The following LTBP4 variants were observed in gnomAD, a reference collection of about 807,000 sequenced individuals.
LTBP4 encodes latent-transforming growth factor beta-binding protein 4.
A neutral mutation model predicts 180.2 loss-of-function variants in LTBP4; 93 were observed. The observed-to-expected ratio is 0.52, with a 90% CI of 0.44 to 0.61. The LOEUF is 0.61. Among genes scored for constraint, LTBP4 ranks in the 20% least tolerant of loss-of-function variants. The pLI is 0.00. For missense variants in LTBP4, 2,116 were observed against 2,256.5 expected (o/e 0.94, Z 1.26); for synonymous variants, 947 against 934.5 (o/e 1.01, Z -0.24).
In LTBP4 at chr19:40,606,311, C is replaced by T; in HGVS notation, c.868+4C>T. ...AGAGTTAATGGGTCCTGCGAAGGTG[C>T]AACGGGGCAGGGGTGGGAGGGGCTT... On this transcript the variant is annotated splice_donor_region_variant and intron_variant, in intron 5 of 29. Transcript: ENST00000396819. The T allele has an allele frequency of 6.4e-7, 1 of 1,564,180 alleles. No homozygotes were observed. Among genetic ancestry groups the T allele is most frequent in the Non-Finnish European group, 8.8e-7 (1 of 1,140,070 alleles).
At chr19:40,598,745 C>G (rs2081404592), upstream of LTBP4, 2 of 246,502 alleles carry the variant, frequency 8.1e-6, no homozygotes, top group African/African-American at 2.3e-5. Flanking sequence ...CCCTCCCCAG[C>G]TGCCGAGGCC....
rs1243468486 is a variant in LTBP4, at chr19:40,627,232, C to T, written c.4243C>T (p.Pro1415Ser). The part of the protein sequence containing the change: ...DMPDFEDDGG[P>S]YGESEAPAPP... ...GCCAGACTTTGAGGACGATGGTGGC[C>T]CCTATGGCGAATCTGAGGCTCCTGC... The change falls in exon 28 of 30, where the codon CCC becomes TCC. Residue 1415 changes from proline to serine, a missense_variant. By Grantham distance (74) the Pro-to-Ser change is moderately conservative. Coordinates refer to ENST00000396819, the MANE Select transcript of LTBP4 (RefSeq NM_001042545.2). 13 of 1,602,222 alleles carry T rather than the reference C, an allele frequency of 8.1e-6. No homozygotes were observed. Among genetic ancestry groups the T allele is most frequent in the Non-Finnish European group, 1.1e-5 (13 of 1,175,826 alleles).
In LTBP4 at chr19:40,605,697, CG is replaced by C; in HGVS notation, c.691-27del. 6.5e-7 allele frequency: 1 copy of C among 1,546,132 alleles called. No homozygotes were observed. On this transcript the variant is annotated intron_variant, in intron 3 of 29. Coordinates refer to ENST00000396819, the MANE Select transcript of LTBP4 (RefSeq NM_001042545.2). The surrounding 1 kb of genome is among the most constrained non-coding windows in gnomAD (Gnocchi z 5.5). ...GAGGGGCCCGGAGCTTGCCTCCGCGCGGGGGCGCGCTCACCCAACACTTCCC... is the reference window on the plus strand; with the variant it reads ...GAGGGGCCCGGAGCTTGCCTCCGCGCGGGGCGCGCTCACCCAACACTTCCC...
chr19:40,622,817 G>T lies in LTBP4; in HGVS notation c.3485-133G>T. 7.2e-7 allele frequency: 1 copy of T among 1,382,880 alleles called. No individual in the cohort carries two copies. 85.7% of individuals were successfully genotyped at this position (1,382,880 alleles called of 1,614,324 possible). On this transcript the variant is annotated intron_variant, in intron 23 of 29. Coordinates refer to ENST00000396819, the MANE Select transcript of LTBP4 (RefSeq NM_001042545.2). The surrounding 1 kb of genome is among the most constrained non-coding windows in gnomAD (Gnocchi z 5.1). ...GCGAGCTGCCAGGCAGGTGGGCATG[G>T]GCAGACATAAGGCTGAGAGGTGGGC...
rs1568405309 is a variant in LTBP4 at position 40,609,535 on chromosome 19, T to TC, written c.1434dup (p.Ser479LeufsTer42). 1 of 1,612,888 alleles carries TC rather than the reference T, an allele frequency of 6.2e-7. No individual in the cohort carries two copies. The highest frequency in any genetic ancestry group is 1.7e-4 in the Middle Eastern group (1 of 6,056). On this transcript the variant is annotated frameshift_variant, in exon 10 of 30. Coordinates refer to ENST00000396819, the MANE Select transcript of LTBP4 (RefSeq NM_001042545.2). LOFTEE classifies it high-confidence loss of function. The surrounding 1 kb of genome is among the most constrained non-coding windows in gnomAD (Gnocchi z 4.9). ...TGGCTGACTGGACCCCCCAGGTCCC[T>TC]CCTCCGGCATGTGTCAGCGCAACCC...
chr19:40,625,731 C>A (rs1171321701), intron 26 of LTBP4, 126 bp from the exon 27 acceptor site: 3 of 810,280 alleles, frequency 3.7e-6, no homozygotes, highest in East Asian at 3.1e-5. Context: ...AGAGTTAGAT[C>A]ACAGCTGATG....
At chr19:40,626,929 TG>T in intron 27 of LTBP4, 45 bp from the exon 28 acceptor site, 1 of 1,508,696 alleles carries the variant, frequency 6.6e-7, no homozygotes, top group Non-Finnish European at 8.9e-7. Flanking sequence ...GTGGTGGGTG[TG>T]GGGGCCAGCA....
In LTBP4 at chr19:40,629,258, G is replaced by C; in HGVS notation, c.4520-138G>C. 8.9e-7 allele frequency: 1 copy of C among 1,124,496 alleles called. No homozygotes were observed. 69.7% of individuals were successfully genotyped at this position (1,124,496 alleles called of 1,614,324 possible). ...TAAGCCACCTGGCCGGGCTCACACAGTTAGCAGATGGCAGAGGCCAGATTG... is the reference window on the plus strand; with the variant it reads ...TAAGCCACCTGGCCGGGCTCACACACTTAGCAGATGGCAGAGGCCAGATTG... On this transcript the variant is annotated intron_variant, in intron 29 of 29. Transcript: ENST00000396819. This position sits in a 1 kb window ranked among gnomAD's most constrained non-coding sequence, Gnocchi z 4.5.
In LTBP4 at chr19:40,613,127, G is replaced by A. The variant is rs748663773; in HGVS notation, c.2362G>A (p.Glu788Lys). ...CGPHGHCTNT[E>K]GSFRCSCAPG... The stretch of plus-strand genomic sequence containing the variant: ...TCCCCACGGCCACTGCACTAACACC[G>A]AAGGCTCCTTCCGCTGCAGCTGCGC... The change falls in exon 16 of 30, where the codon GAA becomes AAA. Residue 788 changes from glutamate to lysine, a missense_variant. Coordinates refer to ENST00000396819, the MANE Select transcript of LTBP4 (RefSeq NM_001042545.2). The surrounding 1 kb of genome is among the most constrained non-coding windows in gnomAD (Gnocchi z 5.0). 1.2e-6 allele frequency: 2 copies of A among 1,604,888 alleles called. No individual in the cohort carries two copies. The highest frequency in any genetic ancestry group is 2.3e-5 in the East Asian group (1 of 44,276).
chr19:40,617,219 T>A lies in LTBP4; in HGVS notation c.3064T>A (p.Cys1022Ser). The A allele has an allele frequency of 6.2e-7, 1 of 1,613,246 alleles. No individual in the cohort carries two copies. The highest frequency in any genetic ancestry group is 8.5e-7 in the Non-Finnish European group (1 of 1,179,586). ...GYEGARDGRH[C>S]VDVNECETLQ... is the part of the protein sequence containing the mutation. ...CGAGGGGGCACGGGATGGGCGTCAC[T>A]GCGTGGGTACGGGACTTCAGGAGGT... is the stretch of plus-strand genomic sequence containing the variant. Residue 1022 changes from cysteine to serine, a missense_variant, in exon 21 of 30, where the codon TGC (cysteine) becomes AGC (serine). Cys to Ser is a moderately radical substitution (Grantham distance 112). Around this residue, in one of 5 missense-constraint regions of LTBP4, gnomAD observed 278 missense variants for 373.0 expected, o/e 0.75. Coordinates refer to ENST00000396819, the MANE Select transcript of LTBP4 (RefSeq NM_001042545.2).
At chr19:40,625,689 C>A (rs999369172) in intron 26 of LTBP4, among the ~76,000 whole-genome samples, 168 bp from the exon 27 acceptor site, 27 of 152,146 alleles carry the variant, frequency 1.8e-4, no homozygotes, top group Non-Finnish European at 3.2e-4. Flanking sequence ...GTTCCTCAAT[C>A]CAGAACCCTG....
Position 40,613,238 on chromosome 19 carries a change from C to T in LTBP4, c.2431+42C>T. The T allele has an allele frequency of 2.6e-6, 4 of 1,548,246 alleles. No homozygotes were observed. The highest frequency in any genetic ancestry group is 2.7e-5 in the African/African-American group (2 of 73,172). ...CCCGCCAGAGAGTCTGGGAGTAGGG[C>T]CTGGGTTCCAGGGCAAAGCCGGCTG... is the stretch of plus-strand genomic sequence containing the variant. On this transcript the variant is annotated intron_variant, in intron 16 of 29. Transcript: ENST00000396819. The surrounding 1 kb of genome is among the most constrained non-coding windows in gnomAD (Gnocchi z 5.0).
rs2081552865 is a variant in LTBP4 at position 40,616,907 on chromosome 19, A to G, written c.2831A>G (p.Glu944Gly). ...TCTGCAGATGTGGATGAGTGCCAAG[A>G]ATATGGTCCCGAGATTTGTGGAGCC... ...GTCDDVDECQEYGPEICGAQR... is the reference protein window; with the variant it reads ...GTCDDVDECQGYGPEICGAQR... Residue 944 changes from glutamate to glycine, a missense_variant, in exon 20 of 30, where the codon GAA becomes GGA. Transcript: ENST00000396819. 1 of 1,613,884 alleles carries G rather than the reference A, an allele frequency of 6.2e-7. No individual in the cohort carries two copies. Among genetic ancestry groups the G allele is most frequent in the African/African-American group, 1.3e-5 (1 of 74,922 alleles).
Position 40,627,804 on chromosome 19 carries a change from C to T in LTBP4, c.4466C>T (p.Thr1489Ile), listed in dbSNP as rs2081648172. Residue 1489 changes from threonine to isoleucine, a missense_variant, in exon 29 of 30, where the codon ACC becomes ATC. By Grantham distance (89) the Thr-to-Ile change is moderately conservative. Around this residue, in one of 5 missense-constraint regions of LTBP4, gnomAD observed 488 missense variants for 458.8 expected, o/e 1.06. Coordinates refer to ENST00000396819, the MANE Select transcript of LTBP4 (RefSeq NM_001042545.2). ...GRCVRVPEGF[T>I]CRCFDGYRLD... is the part of the protein sequence containing the mutation. ...TGCGTGCGCGTCCCCGAAGGCTTCACCTGCCGTTGCTTCGACGGCTACCGC... is the reference window on the plus strand; with the variant it reads ...TGCGTGCGCGTCCCCGAAGGCTTCATCTGCCGTTGCTTCGACGGCTACCGC... The T allele has an allele frequency of 6.4e-7, 1 of 1,572,668 alleles. No homozygotes were observed. The highest frequency in any genetic ancestry group is 8.6e-7 in the Non-Finnish European group (1 of 1,163,828).
upstream of LTBP4, chr19:40,599,953 G>C (rs1007173410): frequency 1.0e-5 from 5 of 490,022 alleles, no homozygotes; most frequent in Non-Finnish European, 1.7e-5. Flanking sequence ...TAGGTGTTGT[G>C]GGGGGAGGGT....
intron 22 of LTBP4, among the ~76,000 whole-genome samples, chr19:40,620,009 A>G (rs1029853067): frequency 1.3e-5 from 2 of 152,192 alleles, no homozygotes; most frequent in South Asian, 4.1e-4. Flanking sequence ...TGAGGAGGGC[A>G]TTCTGGGCAG....
chr19:40,605,670 G>A lies in LTBP4; in HGVS notation c.690+18G>A. ...GAGGCGAAGTGAGAGGAGGCCCGTG[G>A]GGAGGGGCCCGGAGCTTGCCTCCGC... On this transcript the variant is annotated intron_variant, in intron 3 of 29. Transcript: ENST00000396819. This position sits in a 1 kb window ranked among gnomAD's most constrained non-coding sequence, Gnocchi z 5.5. The A allele has an allele frequency of 6.4e-7, 1 of 1,554,180 alleles. No homozygotes were observed.
At chr19:40,627,413 A>G (rs759897144) in intron 28 of LTBP4, 58 bp downstream of exon 28, 76 of 1,446,532 alleles carry the variant, frequency 5.3e-5, no homozygotes, top group Non-Finnish European at 6.5e-5. Flanking sequence ...GCACGGAGAG[A>G]GGAGGGAGGG....
rs1057209358 is a variant in LTBP4 at position 40,614,946 on chromosome 19, C to T, written c.2812+500C>T. ...GAAATTCTCCTAGCATTGGCCCCCG[C>T]CCGTTTAAGCTCTGCCCTTCCTTGG... On this transcript the variant is annotated intron_variant, in intron 19 of 29. Transcript: ENST00000396819. Among the ~76,000 whole-genome samples, 4 of 152,220 alleles carry T rather than the reference C, an allele frequency of 2.6e-5. No homozygotes were observed. In the East Asian group the frequency reaches 7.7e-4, roughly 29 times the overall value.
Sources: allele counts gnomAD v4.1 joint callset (sites outside exome capture counted in the v4.1 genomes callset), GRCh38; gene constraint gnomAD v4.1.1; regional missense constraint gnomAD v4.1.1; non-coding constraint Gnocchi (gnomAD v3.1); transcripts MANE v1.5; gene names NCBI Gene and HGNC (gene_info 2026-07-23, HGNC 2026-07-21).